KANK1: variants seen among roughly 807,000 people sequenced by gnomAD.
KANK1 encodes KN motif and ankyrin repeat domains 1.
KANK1 carries 109 observed loss-of-function variants against 106.2 expected under a neutral mutation model. That is an observed-to-expected ratio of 1.03 (90% CI 0.88 to 1.20). The LOEUF (loss-of-function observed/expected upper bound fraction) is 1.20, where lower values mean the gene tolerates loss of function less well. Among genes scored for constraint, KANK1 ranks in the 50% most tolerant of loss-of-function variants. KANK1 has a pLI of 0.00. For synonymous variants in KANK1, 873 were observed against 652.2 expected (o/e 1.34, Z -5.16); for missense variants, 2,399 against 1,710.7 (o/e 1.40, Z -7.10).
At chr9:518,423 C>T (rs1377749052) in intron 1 of KANK1, among the ~76,000 whole-genome samples, 15 of 144,106 alleles carry the variant, frequency 1.0e-4, no homozygotes, top group Admixed American at 6.1e-4. Context: ...TTTACTTTAC[C>T]GTTTCTTCCT....
At chr9:484,444 C>T (rs1188445060) in intron 3 of KANK1, 1 of 152,220 alleles carries the variant, frequency 6.6e-6, no homozygotes, top group African/African-American at 2.4e-5. Flanking sequence ...GATGTGTCTG[C>T]TTTTGTTGTG....
In KANK1 at chr9:666,919, T is replaced by TG. The variant is rs1294271537; in HGVS notation, c.-83-9971_-83-9970insG. On this transcript the variant is annotated intron_variant, in intron 1 of 11. Transcript: ENST00000382297. ...TTGTTGTCTTTTTTTTTTTTTTTTT[T>TG]TTTTTTGGTGGCCTTATCTGGTTTT... is the stretch of plus-strand genomic sequence containing the variant. Among the ~76,000 whole-genome samples, 3 of 148,978 alleles carry TG rather than the reference T, an allele frequency of 2.0e-5. No homozygotes were observed. The East Asian group carries it at 5.8e-4, about 29-fold the overall frequency.
chr9:666,134 A>T (rs1269491136), intron 1 of KANK1, among the ~76,000 whole-genome samples: 1 of 152,094 alleles, frequency 6.6e-6, no homozygotes. Flanking sequence ...TGCTCACTGC[A>T]TTGGTGACAG....
At chr9:528,886 A>ACCT (rs1301598355) in intron 1 of KANK1, among the ~76,000 whole-genome samples, 1 of 151,412 alleles carries the variant, frequency 6.6e-6, no homozygotes, top group Non-Finnish European at 1.5e-5. Flanking sequence ...TGCAGCCTTG[A>ACCT]CCTCCTGGGC....
intron 1 of KANK1, among the ~76,000 whole-genome samples, chr9:665,809 T>C (rs73370836): frequency 0.037 from 5,652 of 152,272 alleles, 357 homozygotes; most frequent in African/African-American, 0.13. Flanking sequence ...TCTTCTCCAT[T>C]TTTTGATTCA....
intron 1 of KANK1, among the ~76,000 whole-genome samples, chr9:616,909 C>T (rs1831973711): frequency 1.3e-5 from 2 of 152,168 alleles, no homozygotes; most frequent in South Asian, 4.1e-4. Context: ...TTGGTTAAAG[C>T]AAGTCACAAT....
chr9:648,247 C>G (rs554848046), intron 1 of KANK1, among the ~76,000 whole-genome samples: 1 of 152,046 alleles, frequency 6.6e-6, no homozygotes, highest in Admixed American at 6.5e-5. Context: ...TGTGATCCGC[C>G]TGCCCCAGCC....
At chr9:629,821 G>C (rs1835240585) in intron 1 of KANK1, among the ~76,000 whole-genome samples, 1 of 152,246 alleles carries the variant, frequency 6.6e-6, no homozygotes, top group Non-Finnish European at 1.5e-5. Context: ...GATTCAGGGA[G>C]AGGACCATAT....
At chr9:662,436 G>C (rs9407341) in intron 1 of KANK1, among the ~76,000 whole-genome samples, 28,636 of 151,998 alleles carry the variant, frequency 0.19, 2,861 homozygotes, top group East Asian at 0.32. Flanking sequence ...ATACTACAAG[G>C]CTTCGGTAAC....
chr9:544,952 G>C (rs1190730938), intron 1 of KANK1, among the ~76,000 whole-genome samples: 2 of 152,164 alleles, frequency 1.3e-5, no homozygotes, highest in Non-Finnish European at 2.9e-5. Context: ...CCTCCAGCTT[G>C]GGTATGTGAG....
intron 3 of KANK1, among the ~76,000 whole-genome samples, chr9:720,587 C>T (rs1434290365): frequency 2.0e-5 from 3 of 152,196 alleles, no homozygotes; most frequent in Non-Finnish European, 2.9e-5. Flanking sequence ...AACTCCCAGG[C>T]TCAAGCAATT....
intron 1 of KANK1, among the ~76,000 whole-genome samples, chr9:565,434 C>G (rs564198338): frequency 3.3e-5 from 5 of 152,274 alleles, no homozygotes; most frequent in Non-Finnish European, 7.3e-5. Flanking sequence ...TTCACTGAGA[C>G]CATGGTATTG....
intron 3 of KANK1, among the ~76,000 whole-genome samples, chr9:716,569 T>C (rs1827747173): frequency 6.6e-6 from 1 of 152,176 alleles, no homozygotes; most frequent in Admixed American, 6.5e-5. Context: ...TCCAGAGTCA[T>C]TCAGAATCCG....
chr9:537,792 G>A lies in KANK1; in HGVS notation c.-84+33038G>A, dbSNP rs554390018. Among the ~76,000 whole-genome samples, 18 of 152,316 alleles carry A rather than the reference G, an allele frequency of 1.2e-4. 1 individual carries two copies. In the South Asian group the frequency reaches 3.5e-3, roughly 30 times the overall value. On this transcript the variant is annotated intron_variant, in intron 1 of 11. Coordinates refer to ENST00000382297, the MANE Select transcript of KANK1 (RefSeq NM_015158.5). ...CATCTAGGGAGTAGAGGCCAGAGAT[G>A]CCCAGAATAGCCCACAACAAAGAGT...
At chr9:519,940 C>T (rs1316012707) in intron 1 of KANK1, among the ~76,000 whole-genome samples, 1 of 151,798 alleles carries the variant, frequency 6.6e-6, no homozygotes, top group African/African-American at 2.4e-5. Flanking sequence ...TTTCATTACT[C>T]ATATTAGTCT....
intron 1 of KANK1, among the ~76,000 whole-genome samples, chr9:605,224 G>T (rs62531539): frequency 4.0e-5 from 6 of 149,952 alleles, no homozygotes; most frequent in African/African-American, 1.5e-4. Context: ...TCACTTGAAC[G>T]TGGGAGGCAG....
rs569235423 is a variant in KANK1 at position 649,798 on chromosome 9, G to C, written c.-83-27092G>C. 1.9e-4 allele frequency among the ~76,000 whole-genome samples: 29 copies of C among 152,304 alleles called. 1 individual carries two copies. The highest frequency in any genetic ancestry group is 1.8e-3 in the Admixed American group (27 of 15,294). ...TCACCCATGGCAGCCAACCAGGGAG[G>C]TGTAAAATGCTTTTGTCCCCCTGCC... On this transcript the variant is annotated intron_variant, in intron 1 of 11. Transcript: ENST00000382297.
intron 1 of KANK1, among the ~76,000 whole-genome samples, chr9:671,008 T>A (rs1337920061): frequency 7.9e-6 from 1 of 126,612 alleles, no homozygotes; most frequent in African/African-American, 2.6e-5. Flanking sequence ...AACTGACCGA[T>A]TCTCTTTCAT....
In KANK1 at chr9:691,780, A is replaced by ATT. The variant is rs71314726; in HGVS notation, c.37+14786_37+14787dup. On this transcript the variant is annotated intron_variant, in intron 2 of 11. Coordinates refer to ENST00000382297, the MANE Select transcript of KANK1 (RefSeq NM_015158.5). ...AGGGGCAAGCCAGCACACCTAGCTA[A>ATT]TTTTTTTTTTTTTTTTGGTAGAGAC... is the stretch of plus-strand genomic sequence containing the variant. 6.0e-3 allele frequency among the ~76,000 whole-genome samples: 782 copies of ATT among 130,944 alleles called. 10 individuals are homozygous for ATT. Among genetic ancestry groups the ATT allele is most frequent in the African/African-American group, 0.014 (502 of 34,938 alleles). 85.9% of individuals were successfully genotyped at this position (130,944 alleles called of 152,430 possible).
Sources: gnomAD v4.1 joint callset for allele counts (sites outside exome capture counted in the v4.1 genomes callset) on GRCh38, gnomAD v4.1.1 for gene constraint, MANE v1.5 for transcripts, NCBI Gene and HGNC (gene_info 2026-07-23, HGNC 2026-07-21) for gene names.